Variants in RPGRIP1 observed in about 807,000 individuals in gnomAD.
The protein encoded by RPGRIP1 is RPGR interacting protein 1, also known as X-linked retinitis pigmentosa GTPase regulator-interacting protein 1.
RPGRIP1 carries 128 observed loss-of-function variants against 157.9 expected under a neutral mutation model. The ratio of observed to expected loss-of-function variants is 0.81; its 90% CI spans 0.70 to 0.94. The LOEUF (loss-of-function observed/expected upper bound fraction) is 0.94. Among genes scored for constraint, RPGRIP1 ranks in the 40% least tolerant of loss-of-function variants. The pLI is 0.00. For synonymous variants in RPGRIP1, 554 were observed against 571.6 expected, an observed-to-expected ratio of 0.97 and a Z score of 0.44; for missense variants, 1,486 against 1,545.8, an observed-to-expected ratio of 0.96 and a Z score of 0.65.
At position 21,344,997 on chromosome 14, in the gene RPGRIP1, A is replaced by C. The variant is rs116014824; in HGVS notation, c.3533-116A>C. 2,827 of 697,346 alleles carry C rather than the reference A, an allele frequency of 4.1e-3. 9 individuals carry two copies. The highest frequency in any genetic ancestry group is 5.4e-3 in the Non-Finnish European group (2,058 of 382,434). The allele number at this position is 697,346 out of a possible 1,614,324, so 43.2% of individuals were successfully genotyped here. A position where few individuals can be genotyped will look rare whatever the true frequency, so the allele number is the denominator to read the frequency against. ...AGTTGGTCCATGTTATTCTAGATCC[A>C]GGCAAGGAGTCTAATCTTTTTATGA... On this transcript the variant is annotated intron_variant, in intron 22 of 24. Transcript: ENST00000400017.
intron 14 of RPGRIP1, chr14:21,324,408 C>T (rs1164125826): frequency 5.0e-6 from 3 of 602,034 alleles, no homozygotes; most frequent in Non-Finnish European, 5.9e-6. Flanking sequence ...TGTACCTTCT[C>T]CCTAAAGCTG....
At chr14:21,308,059 A>G (rs1218877489) in intron 7 of RPGRIP1, among the ~76,000 whole-genome samples, 2 of 152,232 alleles carry the variant, frequency 1.3e-5, no homozygotes. Context: ...GGAAGGCTCA[A>G]GCTCTGCCTG....
intron 9 of RPGRIP1, 132 bp from the exon 10 acceptor site, chr14:21,312,301 G>A (rs1881572646): frequency 1.6e-6 from 1 of 638,212 alleles, no homozygotes; most frequent in Non-Finnish European, 2.7e-6. Flanking sequence ...TTTCTAGTTG[G>A]ATGGCTTCTC....
At position 21,302,509 on chromosome 14, in the gene RPGRIP1, A is replaced by T. The variant is rs1316593326; in HGVS notation, c.512A>T (p.Tyr171Phe). ...PKRGPRDRLS[Y>F]TAPPSFKEHA... ...TTAGGGCCAAGGGACAGGCTGAGCT[A>T]CACAGCCCCTCCATCGTTTAAGGAG... is the stretch of plus-strand genomic sequence containing the variant. The change falls in exon 5 of 25, where the codon TAC (tyrosine) becomes TTC (phenylalanine). Residue 171 changes from tyrosine (Y) to phenylalanine (F), a missense_variant. Tyr to Phe is a conservative substitution (Grantham distance 22). Transcript: ENST00000400017. 4.4e-6 allele frequency: 7 copies of T among 1,581,846 alleles called. No homozygotes were observed. The highest frequency in any genetic ancestry group is 6.0e-6 in the Non-Finnish European group (7 of 1,161,188).
intron 14 of RPGRIP1, among the ~76,000 whole-genome samples, chr14:21,322,306 C>T (rs1315345188): frequency 6.6e-6 from 1 of 152,028 alleles, no homozygotes; most frequent in Non-Finnish European, 1.5e-5. Context: ...GACAGTTGTC[C>T]ACCACCATGC....
At chr14:21,288,803 G>C (rs1301451434) in intron 2 of RPGRIP1, among the ~76,000 whole-genome samples, 1 of 152,026 alleles carries the variant, frequency 6.6e-6, no homozygotes, top group Non-Finnish European at 1.5e-5. Flanking sequence ...GTGAGCCACC[G>C]TGCCCAGACT....
At chr14:21,292,700 G>T (rs2139140613) in intron 2 of RPGRIP1, among the ~76,000 whole-genome samples, 1 of 151,780 alleles carries the variant, frequency 6.6e-6, no homozygotes, top group South Asian at 2.1e-4. Context: ...AAATTAGCTG[G>T]CTGTGGTGGC....
intron 24 of RPGRIP1, among the ~76,000 whole-genome samples, chr14:21,350,270 T>C (rs1886078495): frequency 6.6e-6 from 1 of 150,814 alleles, no homozygotes; most frequent in Non-Finnish European, 1.5e-5. Flanking sequence ...TCCCAGCTAC[T>C]CGGAAGGATG....
At chr14:21,331,484 T>C (rs929425223) in intron 20 of RPGRIP1, among the ~76,000 whole-genome samples, 2 of 152,062 alleles carry the variant, frequency 1.3e-5, no homozygotes, top group Admixed American at 6.6e-5. Flanking sequence ...ATTATACCAC[T>C]GCACTCCAGC....
chr14:21,341,907 G>A (rs111591854), intron 21 of RPGRIP1, among the ~76,000 whole-genome samples: 2,335 of 152,152 alleles, frequency 0.015, 53 homozygotes, highest in African/African-American at 0.051. Flanking sequence ...AAAATTAGCC[G>A]GGTGTGGTGG....
In RPGRIP1 at chr14:21,280,145, G is replaced by T. The variant is rs78493612; in HGVS notation, c.-53G>T. Among the ~76,000 whole-genome samples the T allele has an allele frequency of 0.024, 3,603 of 152,136 alleles. 135 individuals carry two copies. The highest frequency in any genetic ancestry group is 0.082 in the African/African-American group (3,415 of 41,494). On this transcript the variant is annotated 5_prime_UTR_variant, in exon 1 of 25. Coordinates refer to ENST00000400017, the MANE Select transcript of RPGRIP1 (RefSeq NM_020366.4). ...GAAAAGAATTAGCGACAGCTATCTG[G>T]AGCAAGCAAGAACTGTAAGTTTCTA...
intron 4 of RPGRIP1, among the ~76,000 whole-genome samples, chr14:21,301,792 C>T (rs1264290078): frequency 6.6e-6 from 1 of 151,530 alleles, no homozygotes. Context: ...GTGGGAGGAT[C>T]GCTTGAGCCT....
At chr14:21,283,905 A>G (rs1880217125) in intron 1 of RPGRIP1, among the ~76,000 whole-genome samples, 1 of 152,200 alleles carries the variant, frequency 6.6e-6, no homozygotes, top group Admixed American at 6.6e-5. Flanking sequence ...TGTTGGGATT[A>G]TAAACGTGAG....
At chr14:21,296,378 A>ATT (rs760127895) in intron 3 of RPGRIP1, among the ~76,000 whole-genome samples, 2 of 142,924 alleles carry the variant, frequency 1.4e-5, no homozygotes, top group African/African-American at 2.6e-5. Context: ...TGCCTGGCTA[A>ATT]TTTTTTTTTT....
chr14:21,301,722 T>TAATAATAATAATAAA (rs1443437374), intron 4 of RPGRIP1, among the ~76,000 whole-genome samples: 2 of 75,122 alleles, frequency 2.7e-5, no homozygotes, highest in Admixed American at 1.4e-4. Context: ...ATAATAATAA[T>TAATAATAATAATAAA]AAAAAATTAG....
At chr14:21,334,900 G>A (rs762033908) in intron 21 of RPGRIP1, among the ~76,000 whole-genome samples, 195 bp downstream of exon 21, 46 of 151,064 alleles carry the variant, frequency 3.0e-4, no homozygotes, top group Non-Finnish European at 6.0e-4. Context: ...AAAAAAATTA[G>A]CCAGGCATGG....
intron 14 of RPGRIP1, among the ~76,000 whole-genome samples, chr14:21,322,623 A>ATC (rs879634482): frequency 4.7e-5 from 7 of 147,978 alleles, no homozygotes; most frequent in Admixed American, 1.3e-4. Flanking sequence ...GTAACACACA[A>ATC]TCTCTCTCTC....
At chr14:21,334,554 G>A in intron 20 of RPGRIP1, 51 bp from the exon 21 acceptor site, 1 of 1,277,120 alleles carries the variant, frequency 7.8e-7, no homozygotes, top group Non-Finnish European at 1.1e-6. Context: ...GTCTTTTCTT[G>A]GGCTAAAGTG....
chr14:21,283,466 C>G (rs1880201210), intron 1 of RPGRIP1, among the ~76,000 whole-genome samples: 1 of 151,934 alleles, frequency 6.6e-6, no homozygotes, highest in East Asian at 1.9e-4. Context: ...CTACACCCAG[C>G]TAATTTTTGT....
Sources: allele counts gnomAD v4.1 joint callset (sites outside exome capture counted in the v4.1 genomes callset), GRCh38; gene constraint gnomAD v4.1.1; transcripts MANE v1.5; gene names NCBI Gene and HGNC (gene_info 2026-07-23, HGNC 2026-07-21).